Variants in DGLUCY observed in about 807,000 individuals in gnomAD.
DGLUCY encodes D-glutamate cyclase, mitochondrial.
Under a neutral mutation model 58.5 loss-of-function variants are expected in DGLUCY, and 58 were observed. The observed-to-expected ratio is 0.99, with a 90% CI of 0.80 to 1.23. The LOEUF is 1.23. DGLUCY is among the 50% of genes most tolerant of loss of function. The pLI, the probability that DGLUCY is intolerant of heterozygous loss-of-function variation, is 0.00. For missense variants in DGLUCY, 779 were observed against 784.7 expected, an observed-to-expected ratio of 0.99 and a Z score of 0.09; for synonymous variants, 325 against 314.1, an observed-to-expected ratio of 1.03 and a Z score of -0.37.
chr14:91,104,061 CTT>C (rs1293827774), upstream of DGLUCY, among the ~76,000 whole-genome samples: 1 of 9,494 alleles, frequency 1.1e-4, no homozygotes, highest in Non-Finnish European at 2.1e-4. Flanking sequence ...TGAAAACATT[CTT>C]TTTTTTTTTT....
rs1424414489 is a variant in DGLUCY at position 91,225,198 on chromosome 14, A to G, written c.*365A>G. ...TAACTGCCAGGCAGAGCATGAGAACAAACATTCCCAGGCCATGTAGGATAG... is the reference window on the plus strand; with the variant it reads ...TAACTGCCAGGCAGAGCATGAGAACGAACATTCCCAGGCCATGTAGGATAG... On this transcript the variant is annotated 3_prime_UTR_variant, in exon 14 of 14. Coordinates refer to ENST00000256324, the MANE Select transcript of DGLUCY (RefSeq NM_001102368.3). The G allele has an allele frequency of 1.2e-5, 2 of 166,282 alleles. No individual in the cohort carries two copies. Among genetic ancestry groups the G allele is most frequent in the African/African-American group, 4.8e-5 (2 of 42,000 alleles). 10.3% of individuals were successfully genotyped at this position (166,282 alleles called of 1,614,324 possible). A position where few individuals can be genotyped will look rare whatever the true frequency, so the allele number is the denominator to read the frequency against.
intron 1 of DGLUCY, among the ~76,000 whole-genome samples, chr14:91,066,008 C>T (rs1595599964): frequency 6.6e-6 from 1 of 152,290 alleles, no homozygotes; most frequent in Non-Finnish European, 1.5e-5. Flanking sequence ...GGTTGTCCAG[C>T]AAAAGGTCAG....
intron 1 of DGLUCY, among the ~76,000 whole-genome samples, chr14:91,154,092 G>C (rs560120219): frequency 1.3e-5 from 2 of 152,254 alleles, no homozygotes; most frequent in East Asian, 3.9e-4. Context: ...ATTTAGTAAA[G>C]ACAGGATTTT....
At position 91,201,451 on chromosome 14, in the gene DGLUCY, A is replaced by T. The variant is rs145005362; in HGVS notation, c.1444+1546A>T. On this transcript the variant is annotated intron_variant, in intron 11 of 13. Transcript: ENST00000256324. ...GTAGCTAGGACTATAGGCGCATGCC[A>T]CCACGCCCAGCTAATTTTTGTATTT... 3.6e-3 allele frequency among the ~76,000 whole-genome samples: 552 copies of T among 152,070 alleles called. 4 individuals carry two copies. The highest frequency in any genetic ancestry group is 0.012 in the African/African-American group (517 of 41,480).
intron 1 of DGLUCY, among the ~76,000 whole-genome samples, chr14:91,077,762 AAG>A (rs1418897899): frequency 1.5e-5 from 2 of 130,136 alleles, no homozygotes; most frequent in South Asian, 2.6e-4. Flanking sequence ...AAAAAAAAAA[AAG>A]AGAGAGAGAA....
chr14:91,168,583 C>T (rs1479598415), intron 4 of DGLUCY, among the ~76,000 whole-genome samples: 3 of 152,220 alleles, frequency 2.0e-5, no homozygotes, highest in Non-Finnish European at 4.4e-5. Flanking sequence ...CCACGTGCTG[C>T]TTCCTCTGCC....
intron 1 of DGLUCY, among the ~76,000 whole-genome samples, chr14:91,091,754 C>T (rs1183150054): frequency 6.6e-6 from 1 of 152,106 alleles, no homozygotes; most frequent in African/African-American, 2.4e-5. Context: ...TACAGAGACC[C>T]CTGTTCCATC....
At chr14:91,099,487 C>T (rs1315865058) in intron 1 of DGLUCY, among the ~76,000 whole-genome samples, 2 of 149,388 alleles carry the variant, frequency 1.3e-5, no homozygotes, top group East Asian at 2.0e-4. Context: ...GAGCTGCGAT[C>T]GCACCACTGT....
intron 12 of DGLUCY, among the ~76,000 whole-genome samples, chr14:91,215,039 C>T (rs1322672768): frequency 1.3e-5 from 2 of 152,146 alleles, no homozygotes; most frequent in East Asian, 3.8e-4. Context: ...GTCCCAGCTG[C>T]TCAGGAGGCT....
intron 1 of DGLUCY, among the ~76,000 whole-genome samples, chr14:91,062,989 C>T (rs1260116011): frequency 3.9e-5 from 6 of 152,140 alleles, no homozygotes; most frequent in Non-Finnish European, 7.4e-5. Context: ...ATAGAGCCTA[C>T]AGTCTAGCAA....
intron 1 of DGLUCY, among the ~76,000 whole-genome samples, chr14:91,074,773 A>G (rs1479636704): frequency 6.6e-6 from 1 of 152,222 alleles, no homozygotes. Context: ...CAAAATGTTT[A>G]TAAGAATTGC....
chr14:91,176,979 C>G (rs541459233), intron 7 of DGLUCY, among the ~76,000 whole-genome samples: 69 of 150,740 alleles, frequency 4.6e-4, no homozygotes, highest in Non-Finnish European at 8.7e-4. Context: ...TCCCTTCCTT[C>G]TTGTCTTGTC....
intron 12 of DGLUCY, among the ~76,000 whole-genome samples, chr14:91,205,231 A>T (rs76684107): frequency 0.013 from 2,022 of 152,266 alleles, 46 homozygotes; most frequent in African/African-American, 0.047. Flanking sequence ...GAAGAGAGTG[A>T]TCTGTGCTTT....
At position 91,097,977 on chromosome 14, in the gene DGLUCY, G is replaced by A. The variant is rs1223605836; in HGVS notation, c.-82+37273G>A. ...GAAAAAGAGAAAAAAATCCTAGTTT[G>A]TAGCATTTGCCAATGTTCATAATAT... On this transcript the variant is annotated intron_variant, in intron 1 of 4. Transcript: ENST00000521334. Among the ~76,000 whole-genome samples the A allele has an allele frequency of 4.6e-5, 7 of 152,178 alleles. No individual in the cohort carries two copies. In the South Asian group the frequency reaches 1.0e-3, roughly 23 times the overall value.
intron 7 of DGLUCY, 64 bp downstream of exon 7, chr14:91,176,120 T>C (rs1733047738): frequency 1.2e-5 from 19 of 1,560,948 alleles, no homozygotes; most frequent in Non-Finnish European, 1.7e-5. Flanking sequence ...GGTCTAGTTC[T>C]TGAAAGCATA....
rs568031126 is a variant in DGLUCY at position 91,163,800 on chromosome 14, T to C, written c.103+3403T>C. Among the ~76,000 whole-genome samples, 5 of 152,230 alleles carry C rather than the reference T, an allele frequency of 3.3e-5. No individual in the cohort carries two copies. The East Asian group carries it at 7.7e-4, about 24-fold the overall frequency. On this transcript the variant is annotated intron_variant, in intron 3 of 13. Coordinates refer to ENST00000256324, the MANE Select transcript of DGLUCY (RefSeq NM_001102368.3). The stretch of plus-strand genomic sequence containing the variant: ...CCCTCATCTATAAAATATAATTACT[T>C]GTGCAAATGACTTGGCATGGGGAGC...
chr14:91,185,271 ATTTTTTTT>A (rs35639010), intron 8 of DGLUCY, among the ~76,000 whole-genome samples: 12 of 38,342 alleles, frequency 3.1e-4, no homozygotes, highest in African/African-American at 3.8e-4. Context: ...GCCCAGCCGG[ATTTTTTTT>A]TTTTTTTTTT....
At position 91,129,087 on chromosome 14, in the gene DGLUCY, G is replaced by C. The variant is rs143611327; in HGVS notation, c.-82+14804G>C. Among the ~76,000 whole-genome samples the C allele has an allele frequency of 3.2e-3, 484 of 152,238 alleles. 2 individuals are homozygous for C. Among genetic ancestry groups the C allele is most frequent in the African/African-American group, 0.011 (451 of 41,524 alleles). The stretch of plus-strand genomic sequence containing the variant: ...AATCCGCCTAGCCTCTGCTTTGAGC[G>C]TCAGGGGACCCAGTTCTATTCCTGC... On this transcript the variant is annotated intron_variant, in intron 1 of 13. Transcript: ENST00000256324.
At chr14:91,163,133 G>A (rs866736971) in intron 3 of DGLUCY, among the ~76,000 whole-genome samples, 3 of 151,586 alleles carry the variant, frequency 2.0e-5, no homozygotes, top group South Asian at 2.1e-4. Context: ...GGGGGCATGC[G>A]CCTCTAATCC....
Sources: gnomAD v4.1 joint callset for allele counts (sites outside exome capture counted in the v4.1 genomes callset) on GRCh38, gnomAD v4.1.1 for gene constraint, MANE v1.5 for transcripts, NCBI Gene and HGNC (gene_info 2026-07-23, HGNC 2026-07-21) for gene names.